MCC: variants seen among roughly 807,000 people sequenced by gnomAD.
MCC encodes MCC regulator of Wnt signaling pathway, also known as colorectal mutant cancer protein.
A neutral mutation model predicts 116.2 loss-of-function variants in MCC; 90 were observed. The observed-to-expected ratio is 0.77, with a 90% CI of 0.65 to 0.92. The LOEUF (loss-of-function observed/expected upper bound fraction) is 0.92. MCC is among the 40% of genes least tolerant of loss of function. The pLI is 0.00. For missense variants in MCC, 1,516 were observed against 1,312.2 expected, an observed-to-expected ratio of 1.16 and a Z score of -2.40; for synonymous variants, 578 against 510.5, an observed-to-expected ratio of 1.13 and a Z score of -1.78.
At chr5:113,119,808 C>T (rs1180525146) in intron 6 of MCC, among the ~76,000 whole-genome samples, 1 of 152,160 alleles carries the variant, frequency 6.6e-6, no homozygotes, top group East Asian at 1.9e-4. Flanking sequence ...AGGCTACCAC[C>T]AGTTATAATT....
intron 3 of MCC, among the ~76,000 whole-genome samples, chr5:113,233,913 C>G (rs926558134): frequency 5.9e-5 from 9 of 152,216 alleles, no homozygotes; most frequent in South Asian, 2.1e-4. Context: ...GAAAAGAACT[C>G]ATAGGATGGG....
intron 1 of MCC, among the ~76,000 whole-genome samples, chr5:113,478,515 T>C (rs537924885): frequency 5.3e-5 from 8 of 152,284 alleles, no homozygotes; most frequent in Middle Eastern, 3.4e-3. Flanking sequence ...AGCCATTTAC[T>C]GTAATGGAGA....
intron 2 of MCC, among the ~76,000 whole-genome samples, chr5:113,360,052 C>G (rs554199036): frequency 1.5e-3 from 221 of 152,248 alleles, no homozygotes; most frequent in African/African-American, 5.1e-3. Context: ...GGGGATGATG[C>G]TAATCTGAGC....
chr5:113,364,192 C>T (rs1320016151), intron 2 of MCC, among the ~76,000 whole-genome samples: 1 of 133,982 alleles, frequency 7.5e-6, no homozygotes, highest in African/African-American at 2.9e-5. Flanking sequence ...GATTGCGTCA[C>T]TGCACTCCAG....
At chr5:113,327,563 T>A (rs199683572) in intron 3 of MCC, among the ~76,000 whole-genome samples, 4,907 of 63,598 alleles carry the variant, frequency 0.077, 218 homozygotes, top group African/African-American at 0.15. Context: ...AAAAAAAAAA[T>A]ATATATATAT....
intron 3 of MCC, among the ~76,000 whole-genome samples, chr5:113,254,233 A>G (rs191316671): frequency 1.3e-5 from 2 of 152,344 alleles, no homozygotes; most frequent in African/African-American, 4.8e-5. Flanking sequence ...CCAATTAAGC[A>G]TGAGGACGGA....
chr5:113,279,755 A>C, intron 3 of MCC, among the ~76,000 whole-genome samples: 1 of 152,256 alleles, frequency 6.6e-6, no homozygotes, highest in Non-Finnish European at 1.5e-5. Flanking sequence ...TGGACAATAT[A>C]CATTTAACAA....
intron 2 of MCC, among the ~76,000 whole-genome samples, chr5:113,369,092 C>CTT (rs1768773431): frequency 2.0e-5 from 3 of 152,032 alleles, no homozygotes; most frequent in Admixed American, 1.3e-4. Context: ...TTCAGCTATC[C>CTT]AGAAACTCTC....
At chr5:113,397,182 A>G (rs888141984) in intron 1 of MCC, among the ~76,000 whole-genome samples, 1 of 152,160 alleles carries the variant, frequency 6.6e-6, no homozygotes, top group African/African-American at 2.4e-5. Flanking sequence ...ACCTAAACAA[A>G]CAAACAAAAT....
chr5:113,280,379 CAT>C (rs1765999703), intron 3 of MCC, among the ~76,000 whole-genome samples: 1 of 152,118 alleles, frequency 6.6e-6, no homozygotes, highest in African/African-American at 2.4e-5. Flanking sequence ...TCTTTATTAT[CAT>C]GTATTCTGTC....
Position 113,448,469 on chromosome 5 carries a change from G to C in MCC, c.170+39776C>G, listed in dbSNP as rs577603694. On this transcript the variant is annotated intron_variant, in intron 1 of 18. Coordinates refer to ENST00000408903, the MANE Select transcript of MCC (RefSeq NM_001085377.2). ...GCAAGAATACAGTCTAAATAGCAAA[G>C]AAAGGCCATAATGACCTTAAGTGGA... Among the ~76,000 whole-genome samples the C allele has an allele frequency of 1.1e-4, 16 of 152,280 alleles. No homozygotes were observed. In the South Asian group the frequency reaches 3.3e-3, roughly 32 times the overall value.
At chr5:113,220,799 C>T (rs778369906) in intron 3 of MCC, among the ~76,000 whole-genome samples, 3 of 152,202 alleles carry the variant, frequency 2.0e-5, no homozygotes, top group Non-Finnish European at 4.4e-5. Context: ...CTCTTAAGAT[C>T]TGGAAGCCTT....
chr5:113,112,758 G>T (rs937649375), intron 6 of MCC, among the ~76,000 whole-genome samples: 1 of 152,128 alleles, frequency 6.6e-6, no homozygotes, highest in Non-Finnish European at 1.5e-5. Context: ...TACAGTGCTG[G>T]GCATGGAACA....
intron 3 of MCC, among the ~76,000 whole-genome samples, chr5:113,320,075 T>C (rs1767381931): frequency 6.6e-6 from 1 of 152,248 alleles, no homozygotes; most frequent in African/African-American, 2.4e-5. Flanking sequence ...TCAAAAGATA[T>C]TTGTGCATTC....
Position 113,410,550 on chromosome 5 carries a change from T to C in MCC, c.171-25338A>G, listed in dbSNP as rs114062092. Among the ~76,000 whole-genome samples, 988 of 152,308 alleles carry C rather than the reference T, an allele frequency of 6.5e-3. 4 individuals carry two copies. The highest frequency in any genetic ancestry group is 0.022 in the African/African-American group (907 of 41,566). On this transcript the variant is annotated intron_variant, in intron 1 of 18. Coordinates refer to ENST00000408903, the MANE Select transcript of MCC (RefSeq NM_001085377.2). ...GCTTTGGAAGGCTGAGGTTTAAATA[T>C]CTGACACTGCGGGATAGTAAAATGA...
intron 14 of MCC, among the ~76,000 whole-genome samples, chr5:113,059,145 TAA>T (rs113689471): frequency 2.7e-5 from 4 of 149,656 alleles, no homozygotes; most frequent in African/African-American, 9.8e-5. Flanking sequence ...AGGAAGGAAA[TAA>T]AAAAAAAAAA....
intron 3 of MCC, among the ~76,000 whole-genome samples, chr5:113,194,688 GAAGA>G (rs973051225): frequency 3.3e-5 from 5 of 151,980 alleles, no homozygotes; most frequent in African/African-American, 1.2e-4. Context: ...GGAAGAAAAA[GAAGA>G]AAGGGGAAGG....
chr5:113,111,717 T>C (rs1187867897), intron 6 of MCC, among the ~76,000 whole-genome samples: 1 of 152,216 alleles, frequency 6.6e-6, no homozygotes, highest in Non-Finnish European at 1.5e-5. Context: ...TACACGTCAT[T>C]TCATTTAAAG....
chr5:113,269,500 G>A (rs562932319), intron 3 of MCC, among the ~76,000 whole-genome samples: 1 of 152,162 alleles, frequency 6.6e-6, no homozygotes, highest in Admixed American at 6.5e-5. Context: ...TTCTAAATCT[G>A]ATTAATGTTA....
Sources: gnomAD v4.1 joint callset for allele counts (sites outside exome capture counted in the v4.1 genomes callset) on GRCh38, gnomAD v4.1.1 for gene constraint, MANE v1.5 for transcripts, NCBI Gene and HGNC (gene_info 2026-07-23, HGNC 2026-07-21) for gene names.